NFATC2IP: variants seen among roughly 807,000 people sequenced by gnomAD.
The protein encoded by NFATC2IP is NFATC2-interacting protein.
Under a neutral mutation model 40.2 loss-of-function variants are expected in NFATC2IP, and 25 were observed. The ratio of observed to expected loss-of-function variants is 0.62; its 90% CI spans 0.45 to 0.87. NFATC2IP has a LOEUF of 0.87. NFATC2IP is among the 40% of genes least tolerant of loss of function. The probability of loss-of-function intolerance (pLI) is 0.00; values close to 1 mark genes in which losing one functional copy is unlikely to be tolerated. For missense variants in NFATC2IP, 553 were observed against 555.6 expected (o/e 1.00, Z 0.05); for synonymous variants, 241 against 236.3 (o/e 1.02, Z -0.18).
rs1433841269 is a variant in NFATC2IP at position 28,951,410 on chromosome 16, C to T, written c.387+12C>T. ...TGTACTCGGGGAAGGTGCGCCCGGTCCCGGGGAGGGGACCGGCGGAAGGGC... is the reference window on the plus strand; with the variant it reads ...TGTACTCGGGGAAGGTGCGCCCGGTTCCGGGGAGGGGACCGGCGGAAGGGC... On this transcript the variant is annotated intron_variant, in intron 1 of 7. Transcript: ENST00000320805. 6.5e-6 allele frequency: 9 copies of T among 1,381,830 alleles called. No homozygotes were observed. The highest frequency in any genetic ancestry group is 8.4e-6 in the Non-Finnish European group (9 of 1,072,328). The allele number at this position is 1,381,830 out of a possible 1,614,324, so 85.6% of individuals were successfully genotyped here.
At chr16:28,957,030 T>C (rs1364897007) in intron 5 of NFATC2IP, 1 of 151,934 alleles carries the variant, frequency 6.6e-6, no homozygotes, top group African/African-American at 2.4e-5. Flanking sequence ...TATTTTATTA[T>C]TTTTTATTAT....
chr16:28,959,571 A>ATTTTT (rs61432973), intron 7 of NFATC2IP, among the ~76,000 whole-genome samples: 3 of 114,644 alleles, frequency 2.6e-5, no homozygotes, highest in Non-Finnish European at 3.5e-5. Flanking sequence ...TGGTGCAGTC[A>ATTTTT]TTTTTTTTTT....
At position 28,950,989 on chromosome 16, in the gene NFATC2IP, T is replaced by C; in HGVS notation, c.-23T>C. On this transcript the variant is annotated 5_prime_UTR_variant, in exon 1 of 8. Transcript: ENST00000320805. ...GGGGCGAGGCGAGAGGAGGCGGGCG[T>C]GTGTTGTGGAGGAAAGTGTGCCATG... 6.8e-7 allele frequency: 1 copy of C among 1,461,322 alleles called. No homozygotes were observed. The highest frequency in any genetic ancestry group is 9.0e-7 in the Non-Finnish European group (1 of 1,111,110). 90.5% of individuals were successfully genotyped at this position (1,461,322 alleles called of 1,614,324 possible).
Position 28,963,946 on chromosome 16 carries a change from C to A in NFATC2IP, c.*83C>A. 1 of 1,294,022 alleles carries A rather than the reference C, an allele frequency of 7.7e-7. No homozygotes were observed. The highest frequency in any genetic ancestry group is 1.1e-6 in the Non-Finnish European group (1 of 915,056). The allele number at this position is 1,294,022 out of a possible 1,614,324, so 80.2% of individuals were successfully genotyped here. A position where few individuals can be genotyped will look rare whatever the true frequency, so the allele number is the denominator to read the frequency against. On this transcript the variant is annotated 3_prime_UTR_variant, in exon 8 of 8. Coordinates refer to ENST00000320805, the MANE Select transcript of NFATC2IP (RefSeq NM_032815.4). ...TTTGCCCCATAAGGGCTAGCATAAG[C>A]TGAGGTAGAACTTATCTTTAAGCTG...
intron 7 of NFATC2IP, among the ~76,000 whole-genome samples, chr16:28,960,650 T>C (rs1017409544): frequency 3.3e-5 from 5 of 152,104 alleles, no homozygotes; most frequent in African/African-American, 9.7e-5. Flanking sequence ...AGTGAGAAAT[T>C]GGGCCAGGTG....
At chr16:28,959,696 C>T (rs1369757427) in intron 7 of NFATC2IP, among the ~76,000 whole-genome samples, 6 of 151,422 alleles carry the variant, frequency 4.0e-5, no homozygotes, top group African/African-American at 1.5e-4. Context: ...TCCTCAGCCT[C>T]CCGTGTAGCT....
At chr16:28,958,632 GC>G (rs762597286) in intron 5 of NFATC2IP, 84 bp from the exon 6 acceptor site, 1 of 1,168,882 alleles carries the variant, frequency 8.6e-7, no homozygotes, top group East Asian at 2.3e-5. Context: ...AGTAGCTAAG[GC>G]CAGAGCTTGT....
intron 7 of NFATC2IP, among the ~76,000 whole-genome samples, chr16:28,960,129 T>C (rs1276350800): frequency 1.3e-5 from 2 of 152,172 alleles, no homozygotes; most frequent in African/African-American, 4.8e-5. Flanking sequence ...CATGTGTCTC[T>C]GTCTGTGTTC....
chr16:28,952,303 A>T (rs1285303763), intron 2 of NFATC2IP, 99 bp downstream of exon 2: 1 of 1,568,980 alleles, frequency 6.4e-7, no homozygotes, highest in South Asian at 1.2e-5. Flanking sequence ...CCTGAGGCTC[A>T]AGGGAAGAGC....
At position 28,957,226 on chromosome 16, in the gene NFATC2IP, GCTTCACCATATTGGCCAGGCTGGT is replaced by G. The variant is rs377722206; in HGVS notation, c.846+893_846+916del. On this transcript the variant is annotated intron_variant, in intron 5 of 7. Transcript: ENST00000320805. ...TTTATGTATTTTTAGTGGAGGCAGG[GCTTCACCATATTGGCCAGGCTGGT>G]CTTGAACTCCTGATCTCAAGTGTTC... is the stretch of plus-strand genomic sequence containing the variant. Among the ~76,000 whole-genome samples, 1,307 of 152,036 alleles carry G rather than the reference GCTTCACCATATTGGCCAGGCTGGT, an allele frequency of 8.6e-3. 23 individuals are homozygous for G. The highest frequency in any genetic ancestry group is 0.03 in the African/African-American group (1,225 of 41,510).
At chr16:28,954,293 A>G (rs1337075840) in intron 2 of NFATC2IP, among the ~76,000 whole-genome samples, 2 of 152,162 alleles carry the variant, frequency 1.3e-5, no homozygotes, top group Non-Finnish European at 2.9e-5. Flanking sequence ...CAGCGGGCAA[A>G]TAGAAATTTC....
Position 28,966,296 on chromosome 16 carries a change from G to A in NFATC2IP, c.*2433G>A, listed in dbSNP as rs1047017440. ...AGTCAGACACTTCTTCTAATTGGTT[G>A]ATGCTGGGCTGTACTGGTTGCTAAA... is the stretch of plus-strand genomic sequence containing the variant. On this transcript the variant is annotated 3_prime_UTR_variant, in exon 8 of 8. Transcript: ENST00000320805. 6 of 152,190 alleles carry A rather than the reference G, an allele frequency of 3.9e-5. No homozygotes were observed. The highest frequency in any genetic ancestry group is 8.8e-5 in the Non-Finnish European group (6 of 68,050). The allele number at this position is 152,190 out of a possible 1,614,324, so 9.4% of individuals were successfully genotyped here. A position where few individuals can be genotyped will look rare whatever the true frequency, so the allele number is the denominator to read the frequency against.
intron 2 of NFATC2IP, among the ~76,000 whole-genome samples, chr16:28,954,267 G>A (rs1964996445): frequency 6.6e-6 from 1 of 152,088 alleles, no homozygotes; most frequent in African/African-American, 2.4e-5. Flanking sequence ...TGTGGTTTGT[G>A]ATGATCTTTT....
At chr16:28,954,209 C>T (rs1727941630) in intron 2 of NFATC2IP, among the ~76,000 whole-genome samples, 1 of 152,166 alleles carries the variant, frequency 6.6e-6, no homozygotes, top group Non-Finnish European at 1.5e-5. Context: ...TTCAGAGCCA[C>T]TGATCTAGGG....
chr16:28,959,470 TCACAACAATCTGA>T (rs1965059537), intron 7 of NFATC2IP, among the ~76,000 whole-genome samples: 1 of 152,138 alleles, frequency 6.6e-6, no homozygotes, highest in Non-Finnish European at 1.5e-5. Context: ...TTATTTAATT[TCACAACAATCTGA>T]TGTGGGCCAC....
intron 6 of NFATC2IP, 37 bp from the exon 7 acceptor site, chr16:28,958,954 C>G (rs771414515): frequency 1.2e-6 from 2 of 1,605,504 alleles, no homozygotes; most frequent in Admixed American, 1.7e-5. Flanking sequence ...TTCCAAGCCC[C>G]CACTTAGCCC....
chr16:28,957,164 G>C (rs939598472), intron 5 of NFATC2IP: 32 of 152,064 alleles, frequency 2.1e-4, no homozygotes, highest in African/African-American at 7.7e-4. Flanking sequence ...CTCCCGAGTA[G>C]CTTGGACTAC....
At position 28,951,253 on chromosome 16, in the gene NFATC2IP, C is replaced by T. The variant is rs1331244609; in HGVS notation, c.242C>T (p.Pro81Leu). The T allele has an allele frequency of 4.7e-5, 70 of 1,488,360 alleles. No individual in the cohort carries two copies. Among genetic ancestry groups the T allele is most frequent in the Non-Finnish European group, 5.9e-5 (66 of 1,113,352 alleles). The allele number at this position is 1,488,360 out of a possible 1,614,324, so 92.2% of individuals were successfully genotyped here. A position where few individuals can be genotyped will look rare whatever the true frequency, so the allele number is the denominator to read the frequency against. Residue 81 changes from proline to leucine, a missense_variant, in exon 1 of 8, where the codon CCG (proline) becomes CTG (leucine). By Grantham distance (98) the Pro-to-Leu change is moderately conservative. Coordinates refer to ENST00000320805, the MANE Select transcript of NFATC2IP (RefSeq NM_032815.4). Reference sequence around the variant, plus strand: ...GTGGAGCCCCCGGAGCCCCCGGGGCCGGTCGCGTCCCGGGATAACAGCAAC... The same window carrying T: ...GTGGAGCCCCCGGAGCCCCCGGGGCTGGTCGCGTCCCGGGATAACAGCAAC... ...VEVEPPEPPGPVASRDNSNSD... is the reference protein window; with the variant it reads ...VEVEPPEPPGLVASRDNSNSD...
At chr16:28,955,200 GCAAA>G (rs60852457) in intron 3 of NFATC2IP, among the ~76,000 whole-genome samples, 2,570 of 152,000 alleles carry the variant, frequency 0.017, 80 homozygotes, top group African/African-American at 0.058. Flanking sequence ...TCTCTAAAAA[GCAAA>G]CAAACAGACA....
Sources: allele counts gnomAD v4.1 joint callset (sites outside exome capture counted in the v4.1 genomes callset), GRCh38; gene constraint gnomAD v4.1.1; transcripts MANE v1.5; gene names NCBI Gene and HGNC (gene_info 2026-07-23, HGNC 2026-07-21).